CD44: variants seen among roughly 807,000 people sequenced by gnomAD.
The protein encoded by CD44 is CD44 antigen.
Under a neutral mutation model 88.8 loss-of-function variants are expected in CD44, and 49 were observed. The ratio of observed to expected loss-of-function variants is 0.55; its 90% CI spans 0.44 to 0.70. The LOEUF (loss-of-function observed/expected upper bound fraction) is 0.70. Ranked by LOEUF, CD44 falls within the 30% of genes least tolerant of loss-of-function variation. The probability of loss-of-function intolerance (pLI) is 0.00; values close to 1 mark genes in which losing one functional copy is unlikely to be tolerated. For missense variants in CD44, 883 were observed against 913.8 expected (o/e 0.97, Z 0.43); for synonymous variants, 325 against 312.3 (o/e 1.04, Z -0.43).
At chr11:35,181,914 T>TTATATTTATATATTATAATATATATTA (rs1554962187) in intron 3 of CD44, among the ~76,000 whole-genome samples, 1 of 67,742 alleles carries the variant, frequency 1.5e-5, no homozygotes, top group Non-Finnish European at 2.4e-5. Context: ...ATAATATATA[T>TTATATTTATATATTATAATATATATTA]TATATATTAT....
At chr11:35,181,883 A>AT (rs556272018) in intron 3 of CD44, among the ~76,000 whole-genome samples, 1 of 58,532 alleles carries the variant, frequency 1.7e-5, no homozygotes, top group Non-Finnish European at 3.0e-5. Context: ...ATTATATATA[A>AT]TTCTATATAT....
intron 4 of CD44, among the ~76,000 whole-genome samples, chr11:35,188,870 G>A (rs771450737): frequency 9.9e-5 from 15 of 151,916 alleles, no homozygotes; most frequent in South Asian, 2.1e-4. Context: ...CCCAGGAGGC[G>A]GAGGCTGCTG....
chr11:35,142,436 T>A (rs1351855480), intron 1 of CD44, among the ~76,000 whole-genome samples: 2 of 152,112 alleles, frequency 1.3e-5, no homozygotes, highest in African/African-American at 2.4e-5. Flanking sequence ...GGTGAGGGGA[T>A]CTTTGCTTGG....
At chr11:35,140,249 A>AG (rs1857627870) in intron 1 of CD44, among the ~76,000 whole-genome samples, 1 of 152,154 alleles carries the variant, frequency 6.6e-6, no homozygotes, top group Non-Finnish European at 1.5e-5. Context: ...GTGGCTATGG[A>AG]GGGGAGGGGC....
chr11:35,224,091 T>C (rs1949521528), intron 17 of CD44, among the ~76,000 whole-genome samples: 1 of 152,214 alleles, frequency 6.6e-6, no homozygotes, highest in Non-Finnish European at 1.5e-5. Context: ...GAACATTCCC[T>C]GTGCCAGACA....
At chr11:35,160,380 C>G (rs567858216) in intron 1 of CD44, among the ~76,000 whole-genome samples, 2 of 152,324 alleles carry the variant, frequency 1.3e-5, no homozygotes, top group Admixed American at 6.5e-5. Flanking sequence ...GAGCAGGATG[C>G]TGGTAACACT....
intron 3 of CD44, among the ~76,000 whole-genome samples, chr11:35,185,330 T>C (rs1255147407): frequency 6.6e-6 from 1 of 152,172 alleles, no homozygotes; most frequent in African/African-American, 2.4e-5. Context: ...TTTTTTCCAA[T>C]TGAATGTATA....
chr11:35,140,944 C>A (rs955497144), intron 1 of CD44, among the ~76,000 whole-genome samples: 7 of 150,092 alleles, frequency 4.7e-5, no homozygotes, highest in African/African-American at 1.7e-4. Context: ...TTGCTTGAAC[C>A]TAGGAGGTGA....
intron 3 of CD44, among the ~76,000 whole-genome samples, chr11:35,186,395 A>G (rs1945680018): frequency 6.6e-6 from 1 of 152,212 alleles, no homozygotes; most frequent in South Asian, 2.1e-4. Context: ...CAGATTATAA[A>G]TGATTTTCTC....
chr11:35,181,933 TA>T (rs1247958127), intron 3 of CD44, among the ~76,000 whole-genome samples: 5,905 of 68,930 alleles, frequency 0.086, 368 homozygotes, highest in South Asian at 0.23. Context: ...ATATTATATA[TA>T]AATTATATAT....
chr11:35,149,727 T>A (rs2133133457), intron 1 of CD44, among the ~76,000 whole-genome samples: 1 of 152,286 alleles, frequency 6.6e-6, no homozygotes, highest in East Asian at 1.9e-4. Flanking sequence ...CTGAGCCTCA[T>A]AAAACCTAAT....
At chr11:35,165,925 G>A (rs190944185) in intron 1 of CD44, among the ~76,000 whole-genome samples, 7 of 152,154 alleles carry the variant, frequency 4.6e-5, no homozygotes, top group Non-Finnish European at 7.4e-5. Context: ...CAACTGTTAC[G>A]AAAGTCTTCC....
intron 17 of CD44, among the ~76,000 whole-genome samples, chr11:35,226,994 C>T (rs1159070031): frequency 6.7e-6 from 1 of 148,416 alleles, no homozygotes; most frequent in East Asian, 2.0e-4. Context: ...AAGCAATTCT[C>T]CTGCTTCAGT....
intron 15 of CD44, among the ~76,000 whole-genome samples, chr11:35,217,367 A>G (rs1461286251): frequency 6.6e-6 from 1 of 151,844 alleles, no homozygotes; most frequent in African/African-American, 2.4e-5. Flanking sequence ...AAAAAAAAAA[A>G]AAAGAACAGT....
At chr11:35,218,829 G>A (rs1949053970) in intron 15 of CD44, 1 of 155,910 alleles carries the variant, frequency 6.4e-6, no homozygotes, top group Admixed American at 6.2e-5. Flanking sequence ...CACACTTTGA[G>A]TAGCAAGGTC....
intron 15 of CD44, among the ~76,000 whole-genome samples, chr11:35,218,655 T>C (rs1949037437): frequency 6.6e-6 from 1 of 152,188 alleles, no homozygotes. Context: ...CCTATGATGC[T>C]ATTGGATGAG....
intron 7 of CD44, among the ~76,000 whole-genome samples, chr11:35,199,934 G>GTTTTTTTTTTTT (rs60509735): frequency 3.1e-4 from 28 of 90,860 alleles, no homozygotes; most frequent in East Asian, 6.3e-4. Context: ...CCATGGTGTT[G>GTTTTTTTTTTTT]TTTTTTTTTT....
chr11:35,195,248 A>G (rs542658495), intron 5 of CD44, among the ~76,000 whole-genome samples: 2 of 152,318 alleles, frequency 1.3e-5, no homozygotes, highest in South Asian at 2.1e-4. Flanking sequence ...ATAACTAGGC[A>G]TTCTTTCTGC....
intron 5 of CD44, among the ~76,000 whole-genome samples, chr11:35,194,723 G>T (rs1009357762): frequency 6.6e-6 from 1 of 152,144 alleles, no homozygotes; most frequent in Non-Finnish European, 1.5e-5. Context: ...ATTCTTAAAT[G>T]TCCTGTATGT....
Sources: gnomAD v4.1 joint callset for allele counts (sites outside exome capture counted in the v4.1 genomes callset) on GRCh38, gnomAD v4.1.1 for gene constraint, MANE v1.5 for transcripts, NCBI Gene and HGNC (gene_info 2026-07-23, HGNC 2026-07-21) for gene names.